The following PLA2G4C variants were observed in gnomAD, a reference collection of about 807,000 sequenced individuals.
PLA2G4C encodes phospholipase A2 group IVC.
In PLA2G4C, 64 loss-of-function variants were observed where a neutral mutation model predicts 73.8. The observed-to-expected ratio is 0.87, with a 90% CI of 0.71 to 1.07. PLA2G4C has a LOEUF of 1.07. Ranked by LOEUF, PLA2G4C falls within the 50% of genes least tolerant of loss-of-function variation. PLA2G4C has a pLI of 0.00. For missense variants in PLA2G4C, 622 were observed against 665.4 expected, an observed-to-expected ratio of 0.93 and a Z score of 0.72; for synonymous variants, 254 against 252.1, an observed-to-expected ratio of 1.01 and a Z score of -0.07.
At chr19:48,080,537 A>C (rs112459168) in intron 10 of PLA2G4C, among the ~76,000 whole-genome samples, 3,118 of 152,200 alleles carry the variant, frequency 0.02, 108 homozygotes, top group African/African-American at 0.07. Flanking sequence ...GGCTGGGTGC[A>C]GTGGCTCACG....
chr19:48,100,297 G>A (rs1328616968), intron 4 of PLA2G4C, among the ~76,000 whole-genome samples: 2 of 151,976 alleles, frequency 1.3e-5, no homozygotes, highest in Non-Finnish European at 2.9e-5. Flanking sequence ...CGGGAGGATT[G>A]CCTGAGGTCA....
intron 10 of PLA2G4C, among the ~76,000 whole-genome samples, chr19:48,079,153 C>T (rs112635273): frequency 0.02 from 3,075 of 152,194 alleles, 98 homozygotes; most frequent in African/African-American, 0.069. Flanking sequence ...CAGACGTGAG[C>T]TACCATGCCC....
At chr19:48,105,805 TCCCTCCCCTTCCCTC>T (rs2032152591) in intron 2 of PLA2G4C, among the ~76,000 whole-genome samples, 1 of 14,990 alleles carries the variant, frequency 6.7e-5, no homozygotes, top group Non-Finnish European at 1.3e-4. Context: ...CCTCCCTCCC[TCCCTCCCCTTCCCTC>T]CCCTCCCTCC....
chr19:48,078,292 C>G (rs2030306159), intron 10 of PLA2G4C, among the ~76,000 whole-genome samples: 1 of 152,096 alleles, frequency 6.6e-6, no homozygotes, highest in Non-Finnish European at 1.5e-5. Flanking sequence ...AAGCATTCCC[C>G]CTGAGAACTG....
chr19:48,095,245 T>C (rs1010505677), intron 7 of PLA2G4C, among the ~76,000 whole-genome samples: 1 of 152,132 alleles, frequency 6.6e-6, no homozygotes, highest in Non-Finnish European at 1.5e-5. Flanking sequence ...CCTGGATTGT[T>C]TGATAGGATA....
chr19:48,067,968 C>T (rs1172487251), intron 12 of PLA2G4C, 82 bp from the exon 13 acceptor site: 5 of 955,670 alleles, frequency 5.2e-6, no homozygotes, highest in Non-Finnish European at 6.9e-6. Flanking sequence ...ATGTGGAAGC[C>T]CTCATCCCCC....
intron 7 of PLA2G4C, among the ~76,000 whole-genome samples, chr19:48,091,958 A>ATC (rs1445290909): frequency 1.3e-5 from 2 of 151,760 alleles, no homozygotes; most frequent in African/African-American, 4.8e-5. Context: ...CCAGAAAACA[A>ATC]TAAGTGTTGA....
At chr19:48,092,446 T>G (rs936824381) in intron 7 of PLA2G4C, among the ~76,000 whole-genome samples, 5 of 152,226 alleles carry the variant, frequency 3.3e-5, no homozygotes, top group African/African-American at 1.2e-4. Flanking sequence ...CAAAGAGATA[T>G]TCATAGACCC....
intron 6 of PLA2G4C, among the ~76,000 whole-genome samples, chr19:48,096,363 A>G (rs1458410317): frequency 6.6e-6 from 1 of 152,126 alleles, no homozygotes; most frequent in Admixed American, 6.5e-5. Flanking sequence ...TGAGTGGATC[A>G]CCTAAGGTCA....
chr19:48,098,350 G>A (rs1202374655), intron 5 of PLA2G4C, 91 bp from the exon 6 acceptor site: 1 of 1,246,506 alleles, frequency 8.0e-7, no homozygotes, highest in Non-Finnish European at 1.1e-6. Flanking sequence ...TTTTTTAGAG[G>A]GGTCTCAGTC....
intron 1 of PLA2G4C, among the ~76,000 whole-genome samples, chr19:48,109,123 T>C (rs2032365976): frequency 6.6e-6 from 1 of 152,102 alleles, no homozygotes; most frequent in Admixed American, 6.5e-5. Flanking sequence ...TCATGTTAGC[T>C]TTCTCTCATT....
chr19:48,093,479 A>G (rs1470261269), intron 7 of PLA2G4C, among the ~76,000 whole-genome samples: 1 of 152,074 alleles, frequency 6.6e-6, no homozygotes, highest in Non-Finnish European at 1.5e-5. Flanking sequence ...AGAGAGAGAG[A>G]GTGAGATGTT....
At chr19:48,104,422 C>G in intron 4 of PLA2G4C, 166 bp downstream of exon 4, 1 of 635,800 alleles carries the variant, frequency 1.6e-6, no homozygotes, top group Non-Finnish European at 2.7e-6. Context: ...CTGATGTGAA[C>G]TCCAGGTAGC....
At chr19:48,065,676 A>C (rs995565703) in intron 13 of PLA2G4C, among the ~76,000 whole-genome samples, 1 of 152,170 alleles carries the variant, frequency 6.6e-6, no homozygotes, top group Admixed American at 6.5e-5. Flanking sequence ...ATTGGTTTAA[A>C]GAGTTATTAG....
At chr19:48,085,141 A>G in intron 9 of PLA2G4C, 29 bp from the exon 10 acceptor site, 3 of 1,535,476 alleles carry the variant, frequency 2.0e-6, no homozygotes, top group Non-Finnish European at 2.7e-6. Flanking sequence ...TAAAATTCAA[A>G]CATTCTCCAT....
Position 48,105,512 on chromosome 19 carries a change from A to C in PLA2G4C, c.9-68T>G, listed in dbSNP as rs544353212. The C allele has an allele frequency of 4.8e-6, 6 of 1,263,006 alleles. No homozygotes were observed. The South Asian group carries it at 6.2e-5, about 13-fold the overall frequency. The allele number at this position is 1,263,006 out of a possible 1,614,324, so 78.2% of individuals were successfully genotyped here. ...GAAAAGGGATAAAACACAGAATTTG[A>C]CCTAGAACTGGGCTGTCCAAGCAGG... On this transcript the variant is annotated intron_variant, in intron 2 of 16. Coordinates refer to ENST00000599921, the MANE Select transcript of PLA2G4C (RefSeq NM_003706.3).
chr19:48,101,840 A>G lies in PLA2G4C; in HGVS notation c.258-1980T>C, dbSNP rs187393243. 4.3e-3 allele frequency among the ~76,000 whole-genome samples: 659 copies of G among 151,712 alleles called. 6 individuals are homozygous for G. The highest frequency in any genetic ancestry group is 0.015 in the African/African-American group (626 of 41,418). ...CAGGTGCGTGCCACCACACCCAGCTAATTTTTGTATTTTTAGTAGAGACAG... is the reference window on the plus strand; with the variant it reads ...CAGGTGCGTGCCACCACACCCAGCTGATTTTTGTATTTTTAGTAGAGACAG... On this transcript the variant is annotated intron_variant, in intron 4 of 16. Coordinates refer to ENST00000599921, the MANE Select transcript of PLA2G4C (RefSeq NM_003706.3).
chr19:48,074,669 C>G (rs983574012), intron 12 of PLA2G4C, 98 bp downstream of exon 12: 9 of 797,526 alleles, frequency 1.1e-5, no homozygotes, highest in Non-Finnish European at 2.0e-5. Context: ...TGGTCATGTC[C>G]CCTGCAGGAC....
In PLA2G4C at chr19:48,067,784, T is replaced by G; in HGVS notation, c.1102+7A>C. 6.3e-7 allele frequency: 1 copy of G among 1,589,396 alleles called. No homozygotes were observed. Among genetic ancestry groups the G allele is most frequent in the Non-Finnish European group, 8.6e-7 (1 of 1,157,632 alleles). On this transcript the variant is annotated splice_region_variant and intron_variant, in intron 13 of 16. Transcript: ENST00000599921. Reference sequence around the variant, plus strand: ...AGACCAGGGCGGTGGGAAGAGGGTCTTCTCACCGTGTTTGTACAGGAAGTT... The same window carrying G: ...AGACCAGGGCGGTGGGAAGAGGGTCGTCTCACCGTGTTTGTACAGGAAGTT...
Sources: gnomAD v4.1 joint callset for allele counts (sites outside exome capture counted in the v4.1 genomes callset) on GRCh38, gnomAD v4.1.1 for gene constraint, MANE v1.5 for transcripts, NCBI Gene and HGNC (gene_info 2026-07-23, HGNC 2026-07-21) for gene names.